KCNC2: variants seen among roughly 807,000 people sequenced by gnomAD.
KCNC2 encodes the protein potassium voltage-gated channel subfamily C member 2.
A neutral mutation model predicts 44.5 loss-of-function variants in KCNC2; 21 were observed. The ratio of observed to expected loss-of-function variants is 0.47; its 90% CI spans 0.33 to 0.68. The LOEUF is 0.68. Among genes scored for constraint, KCNC2 ranks in the 30% least tolerant of loss-of-function variants. KCNC2 has a pLI of 0.01. For missense variants in KCNC2, 589 were observed against 826.2 expected (o/e 0.71, Z 3.52); for synonymous variants, 391 against 339.1 (o/e 1.15, Z -1.68).
At position 75,207,636 on chromosome 12, in the gene KCNC2, A is replaced by G. The variant is rs149750956; in HGVS notation, c.348T>C (p.Asn116=). The change falls in exon 2 of 5, where the codon AAT becomes AAC. Residue 116 remains asparagine (N), a synonymous_variant. Coordinates refer to ENST00000549446, the MANE Select transcript of KCNC2 (RefSeq NM_139137.4). The surrounding 1 kb of genome is among the most constrained non-coding windows in gnomAD (Gnocchi z 4.1). ...RHPGVFAYVL[N]YYRTGKLHCP... ...AGTGCAGCTTGCCGGTGCGGTAGTA[A>G]TTGAGCACATAGGCGAAGACGCCCG... 1.9e-5 allele frequency: 30 copies of G among 1,611,770 alleles called. No individual in the cohort carries two copies. The highest frequency in any genetic ancestry group is 3.3e-5 in the Admixed American group (2 of 60,014).
chr12:75,086,437 G>A (rs1885001146), intron 2 of KCNC2, among the ~76,000 whole-genome samples: 1 of 151,998 alleles, frequency 6.6e-6, no homozygotes, highest in East Asian at 1.9e-4. Flanking sequence ...ATGCAGTTTT[G>A]TATGTTAATT....
intron 2 of KCNC2, among the ~76,000 whole-genome samples, chr12:75,074,433 T>C (rs918447695): frequency 2.6e-5 from 4 of 152,084 alleles, no homozygotes; most frequent in Non-Finnish European, 5.9e-5. Flanking sequence ...TGTCCAAAAC[T>C]GTGTAAAATT....
intron 2 of KCNC2, among the ~76,000 whole-genome samples, chr12:75,146,679 A>T (rs1890050943): frequency 6.6e-6 from 1 of 152,216 alleles, no homozygotes; most frequent in Non-Finnish European, 1.5e-5. Flanking sequence ...GTCATAAGAT[A>T]TGTGCCTCCT....
chr12:75,187,358 G>T (rs923682654), intron 2 of KCNC2, among the ~76,000 whole-genome samples: 2 of 152,150 alleles, frequency 1.3e-5, no homozygotes, highest in Non-Finnish European at 2.9e-5. Flanking sequence ...AATATGTTTG[G>T]AAGTCCTCTG....
chr12:75,194,015 T>C (rs1043806425), intron 2 of KCNC2, among the ~76,000 whole-genome samples: 1 of 152,022 alleles, frequency 6.6e-6, no homozygotes, highest in East Asian at 1.9e-4. Context: ...GACATTATAG[T>C]CATTAAGATA....
At chr12:75,078,439 C>T (rs1174762560) in intron 2 of KCNC2, among the ~76,000 whole-genome samples, 1 of 152,168 alleles carries the variant, frequency 6.6e-6, no homozygotes, top group Non-Finnish European at 1.5e-5. Flanking sequence ...AAATGTAGTA[C>T]AGGAGTAGAG....
At chr12:75,076,628 A>G (rs969846044) in intron 2 of KCNC2, among the ~76,000 whole-genome samples, 5 of 152,202 alleles carry the variant, frequency 3.3e-5, no homozygotes, top group African/African-American at 1.2e-4. Context: ...TATAATAAAT[A>G]GTACCATTAT....
intron 2 of KCNC2, among the ~76,000 whole-genome samples, chr12:75,176,431 G>A (rs958983854): frequency 6.6e-6 from 1 of 151,830 alleles, no homozygotes; most frequent in Admixed American, 6.6e-5. Context: ...AGTAAAAGTT[G>A]AAGTCCTTGC....
chr12:75,086,671 A>ATATATATATATATATATATATATAT (rs1169816045), intron 2 of KCNC2, among the ~76,000 whole-genome samples: 1 of 89,384 alleles, frequency 1.1e-5, no homozygotes, highest in African/African-American at 4.9e-5. Flanking sequence ...AAAAAAAAAA[A>ATATATATATATATATATATATATAT]AAAAAAAAAA....
At chr12:75,093,523 A>G (rs1161735926) in intron 2 of KCNC2, among the ~76,000 whole-genome samples, 2 of 151,716 alleles carry the variant, frequency 1.3e-5, no homozygotes, top group Admixed American at 6.6e-5. Flanking sequence ...AAGCTCCATT[A>G]CAGCTTATTC....
chr12:75,107,862 ACT>A (rs898260561), intron 2 of KCNC2, among the ~76,000 whole-genome samples: 1 of 152,138 alleles, frequency 6.6e-6, no homozygotes, highest in African/African-American at 2.4e-5. Flanking sequence ...CTCTCCAGAC[ACT>A]CTTACTTTCT....
In KCNC2 at chr12:75,040,670, A is replaced by T. The variant is rs1879803964; in HGVS notation, c.*2435T>A. On this transcript the variant is annotated 3_prime_UTR_variant, in exon 5 of 5. Transcript: ENST00000549446. The stretch of plus-strand genomic sequence containing the variant: ...GATAAATGAATACTAACAATTTCAC[A>T]ACATAATTGACAAGCTGATTACATC... 6.3e-6 allele frequency: 1 copy of T among 159,318 alleles called. No homozygotes were observed. Among genetic ancestry groups the T allele is most frequent in the African/African-American group, 2.4e-5 (1 of 41,624 alleles). 9.9% of individuals were successfully genotyped at this position (159,318 alleles called of 1,614,324 possible). A position where few individuals can be genotyped will look rare whatever the true frequency, so the allele number is the denominator to read the frequency against.
At chr12:75,114,489 C>T (rs1887495753) in intron 2 of KCNC2, among the ~76,000 whole-genome samples, 1 of 152,158 alleles carries the variant, frequency 6.6e-6, no homozygotes, top group Non-Finnish European at 1.5e-5. Context: ...TACGTCTTGG[C>T]CTCCTTTAAG....
chr12:75,078,448 A>G (rs1319116395), intron 2 of KCNC2, among the ~76,000 whole-genome samples: 1 of 152,210 alleles, frequency 6.6e-6, no homozygotes, highest in Non-Finnish European at 1.5e-5. Flanking sequence ...ACAGGAGTAG[A>G]GAATAAAGAA....
rs754552347 is a variant in KCNC2, at chr12:75,042,401, A to AG, written c.*703dup. 1 of 1,607,224 alleles carries AG rather than the reference A, an allele frequency of 6.2e-7. No individual in the cohort carries two copies. Among genetic ancestry groups the AG allele is most frequent in the Non-Finnish European group, 8.5e-7 (1 of 1,175,708 alleles). On this transcript the variant is annotated 3_prime_UTR_variant, in exon 5 of 5. Transcript: ENST00000549446. ...TGTGTGCAAACAACCAGAGACATTC[A>AG]GAACTCCAATACAGCATTTTTGAAG...
At chr12:75,150,524 C>T (rs1011572570) in intron 2 of KCNC2, among the ~76,000 whole-genome samples, 3 of 151,850 alleles carry the variant, frequency 2.0e-5, no homozygotes, top group African/African-American at 7.2e-5. Context: ...GGTTCCTTGA[C>T]TCCCACAGGC....
chr12:75,171,096 G>A (rs1891787573), intron 2 of KCNC2, among the ~76,000 whole-genome samples: 1 of 151,776 alleles, frequency 6.6e-6, no homozygotes, highest in South Asian at 2.1e-4. Flanking sequence ...AAATTTGAAT[G>A]TCTCTGACAT....
chr12:75,084,269 T>TAGATAGATAGATAGA (rs1555207730), intron 2 of KCNC2, among the ~76,000 whole-genome samples: 7 of 120,924 alleles, frequency 5.8e-5, no homozygotes, highest in African/African-American at 2.5e-4. Flanking sequence ...GATAGATAGA[T>TAGATAGATAGATAGA]TAGATAGATA....
At chr12:75,060,004 C>T (rs1592778590) in intron 2 of KCNC2, among the ~76,000 whole-genome samples, 1 of 151,994 alleles carries the variant, frequency 6.6e-6, no homozygotes, top group South Asian at 2.1e-4. Flanking sequence ...AATAGTAATT[C>T]CGAAATACAC....
Sources: allele counts gnomAD v4.1 joint callset (sites outside exome capture counted in the v4.1 genomes callset), GRCh38; gene constraint gnomAD v4.1.1; non-coding constraint Gnocchi (gnomAD v3.1); transcripts MANE v1.5; gene names NCBI Gene and HGNC (gene_info 2026-07-23, HGNC 2026-07-21).